MICAL2: variants seen among roughly 807,000 people sequenced by gnomAD.
MICAL2 encodes [F-actin]-monooxygenase MICAL2.
Under a neutral mutation model 127.3 loss-of-function variants are expected in MICAL2, and 77 were observed. The ratio of observed to expected loss-of-function variants is 0.60; its 90% CI spans 0.50 to 0.73. MICAL2 has a LOEUF of 0.73. Ranked by LOEUF, MICAL2 falls within the 30% of genes least tolerant of loss-of-function variation. The probability of loss-of-function intolerance (pLI) is 0.00; values close to 1 mark genes in which losing one functional copy is unlikely to be tolerated. For synonymous variants in MICAL2, 570 were observed against 551.1 expected (o/e 1.03, Z -0.48); for missense variants, 1,351 against 1,434.4 (o/e 0.94, Z 0.94).
In MICAL2 at chr11:12,203,338, C is replaced by A. The variant is rs1306780125; in HGVS notation, c.265-912C>A. 2.0e-5 allele frequency among the ~76,000 whole-genome samples: 3 copies of A among 152,140 alleles called. No homozygotes were observed. In the East Asian group the frequency reaches 5.8e-4, roughly 29 times the overall value. ...CTATGTTTAACTTTTGGAGGAATGG[C>A]CACACTGTTTTCATGTATCTGCACC... On this transcript the variant is annotated intron_variant, in intron 3 of 27. Coordinates refer to ENST00000683283, the MANE Select transcript of MICAL2 (RefSeq NM_001282663.2).
chr11:12,332,858 G>C (rs955873503), intron 32 of MICAL2, among the ~76,000 whole-genome samples: 2 of 152,200 alleles, frequency 1.3e-5, no homozygotes, highest in Non-Finnish European at 2.9e-5. Flanking sequence ...TGACTAGTTA[G>C]AGGAATGGCT....
chr11:12,113,876 T>G (rs1157706673), intron 1 of MICAL2, among the ~76,000 whole-genome samples: 2 of 152,208 alleles, frequency 1.3e-5, no homozygotes, highest in Non-Finnish European at 2.9e-5. Flanking sequence ...TCACCCTATA[T>G]TGTAATTATT....
At chr11:12,340,574 A>G (rs563597249) in intron 32 of MICAL2, among the ~76,000 whole-genome samples, 1 of 152,322 alleles carries the variant, frequency 6.6e-6, no homozygotes, top group Admixed American at 6.5e-5. Context: ...GGCCAAAAAG[A>G]CACATACAAG....
chr11:12,234,760 G>A lies in MICAL2; in HGVS notation c.1996-1417G>A, dbSNP rs540655359. ...AGAGATGAGGATGCAGATGCTTTCCGTTGGAGGGAGGGGATGCGTACTGGG... is the reference window on the plus strand; with the variant it reads ...AGAGATGAGGATGCAGATGCTTTCCATTGGAGGGAGGGGATGCGTACTGGG... On this transcript the variant is annotated intron_variant, in intron 15 of 27. Coordinates refer to ENST00000683283, the MANE Select transcript of MICAL2 (RefSeq NM_001282663.2). 1.2e-4 allele frequency among the ~76,000 whole-genome samples: 19 copies of A among 152,304 alleles called. No individual in the cohort carries two copies. The East Asian group carries it at 2.5e-3, about 20-fold the overall frequency.
chr11:12,241,293 C>A, intron 18 of MICAL2, 131 bp downstream of exon 18: 2 of 1,148,940 alleles, frequency 1.7e-6, no homozygotes, highest in Non-Finnish European at 2.4e-6. Context: ...ACCTTGATGT[C>A]ACCACACTTA....
chr11:12,273,361 G>A (rs1044581264), upstream of MICAL2, among the ~76,000 whole-genome samples: 2 of 152,066 alleles, frequency 1.3e-5, no homozygotes, highest in African/African-American at 4.8e-5. Flanking sequence ...GACTAATGCT[G>A]CCACCACCAC....
intron 3 of MICAL2, chr11:12,197,635 G>A (rs1860108404): frequency 6.6e-6 from 1 of 152,180 alleles, no homozygotes; most frequent in Non-Finnish European, 1.5e-5. Flanking sequence ...TGTTAAATGG[G>A]GAGATGCCAT....
intron 6 of MICAL2, among the ~76,000 whole-genome samples, chr11:12,211,075 T>A (rs758343524): frequency 6.6e-6 from 1 of 152,208 alleles, no homozygotes; most frequent in African/African-American, 2.4e-5. Flanking sequence ...AAGAGGACTA[T>A]TGAATGGAAA....
chr11:12,168,100 G>A (rs1055401663), intron 3 of MICAL2, among the ~76,000 whole-genome samples: 10 of 151,010 alleles, frequency 6.6e-5, no homozygotes, highest in South Asian at 4.2e-4. Flanking sequence ...CCAGGAGTTC[G>A]AAACCAAATT....
intron 22 of MICAL2, chr11:12,250,388 C>T (rs992070259): frequency 2.0e-5 from 3 of 152,170 alleles, no homozygotes; most frequent in African/African-American, 7.2e-5. Context: ...GCATTTATCC[C>T]AATGGCCGTG....
downstream of MICAL2, chr11:12,292,030 G>T (rs1180272418): frequency 7.5e-6 from 10 of 1,325,658 alleles, no homozygotes; most frequent in Non-Finnish European, 1.0e-5. Context: ...GTCAGGCTCT[G>T]ACATCTTCCT....
intron 3 of MICAL2, among the ~76,000 whole-genome samples, chr11:12,199,786 G>T (rs1179133906): frequency 6.6e-6 from 1 of 152,298 alleles, no homozygotes; most frequent in South Asian, 2.1e-4. Flanking sequence ...TGAGGCGTTT[G>T]TCTCTCCTCT....
intron 2 of MICAL2, among the ~76,000 whole-genome samples, chr11:12,283,756 C>A (rs1361486282): frequency 1.3e-5 from 2 of 152,168 alleles, no homozygotes; most frequent in Non-Finnish European, 1.5e-5. Flanking sequence ...AAAAAGACTT[C>A]GGGGACTACC....
chr11:12,230,533 CT>C (rs2134369462), intron 15 of MICAL2, among the ~76,000 whole-genome samples: 1 of 152,312 alleles, frequency 6.6e-6, no homozygotes, highest in East Asian at 1.9e-4. Context: ...ACCTTCCTCC[CT>C]GCCCCTCCCT....
chr11:12,247,401 A>T (rs988148341), intron 21 of MICAL2, among the ~76,000 whole-genome samples: 1 of 152,230 alleles, frequency 6.6e-6, no homozygotes, highest in African/African-American at 2.4e-5. Flanking sequence ...CTATTTCGAC[A>T]GCTTCCAACA....
chr11:12,322,158 G>A (rs980814712), intron 30 of MICAL2, among the ~76,000 whole-genome samples: 1 of 152,090 alleles, frequency 6.6e-6, no homozygotes, highest in African/African-American at 2.4e-5. Flanking sequence ...ACAGTATCTG[G>A]CATATAGCAT....
At chr11:12,188,323 A>T (rs1021775244) in intron 3 of MICAL2, among the ~76,000 whole-genome samples, 4 of 152,362 alleles carry the variant, frequency 2.6e-5, no homozygotes, top group African/African-American at 9.6e-5. Context: ...CAGAAAATTT[A>T]AAATTGCACG....
At chr11:12,174,806 C>T (rs550042962) in intron 3 of MICAL2, among the ~76,000 whole-genome samples, 12 of 152,184 alleles carry the variant, frequency 7.9e-5, no homozygotes, top group South Asian at 2.1e-4. Flanking sequence ...TTAAACTTTT[C>T]GCAATTATTA....
chr11:12,270,363 A>T (rs1485093287), intron 24 of MICAL2, among the ~76,000 whole-genome samples: 1 of 152,120 alleles, frequency 6.6e-6, no homozygotes, highest in Admixed American at 6.5e-5. Context: ...AAACTGGCTT[A>T]CTGTTAGTTT....
Sources: gnomAD v4.1 joint callset for allele counts (sites outside exome capture counted in the v4.1 genomes callset) on GRCh38, gnomAD v4.1.1 for gene constraint, MANE v1.5 for transcripts, NCBI Gene and HGNC (gene_info 2026-07-23, HGNC 2026-07-21) for gene names.